SYNJ2: variants seen among roughly 807,000 people sequenced by gnomAD.
The protein encoded by SYNJ2 is polyphosphatidylinositol phosphatase SYNJ2.
Under a neutral mutation model 141.3 loss-of-function variants are expected in SYNJ2, and 116 were observed. The ratio of observed to expected loss-of-function variants is 0.82; its 90% CI spans 0.71 to 0.96. The LOEUF is 0.96. Ranked by LOEUF, SYNJ2 falls within the 40% of genes least tolerant of loss-of-function variation. The pLI is 0.00. For missense variants in SYNJ2, 1,873 were observed against 1,934.8 expected, an observed-to-expected ratio of 0.97 and a Z score of 0.60; for synonymous variants, 745 against 777.7, an observed-to-expected ratio of 0.96 and a Z score of 0.70.
At chr6:157,987,936 G>A (rs768894522) in intron 1 of SYNJ2, among the ~76,000 whole-genome samples, 56 of 152,246 alleles carry the variant, frequency 3.7e-4, no homozygotes, top group Non-Finnish European at 7.2e-4. Flanking sequence ...AGAACAGGGA[G>A]CGCTCTGCTG....
intron 26 of SYNJ2, chr6:158,094,092 AG>A (rs913882140): frequency 2.9e-6 from 2 of 688,592 alleles, no homozygotes; most frequent in Non-Finnish European, 5.3e-6. Flanking sequence ...AGAGAGTGTG[AG>A]GGGGGCTTCG....
intron 21 of SYNJ2, 66 bp downstream of exon 21, chr6:158,083,663 A>G (rs1001418359): frequency 3.1e-6 from 5 of 1,593,986 alleles, no homozygotes; most frequent in Non-Finnish European, 4.3e-6. Flanking sequence ...GCTTTTAAGG[A>G]CACCTTCTAA....
chr6:158,004,785 C>A (rs989531901), intron 1 of SYNJ2, among the ~76,000 whole-genome samples: 1 of 152,178 alleles, frequency 6.6e-6, no homozygotes, highest in Admixed American at 6.5e-5. Context: ...CACGAGACTG[C>A]GTCCCTCACT....
In SYNJ2 at chr6:158,096,976, A is replaced by G. The variant is rs1032815846; in HGVS notation, c.*612A>G. ...GTGCGTTAACCTTGATGATGCGTGA[A>G]TCCCGAGGGAGCCGGTGGCATACAC... On this transcript the variant is annotated 3_prime_UTR_variant, in exon 27 of 27. Transcript: ENST00000355585. 1 of 152,778 alleles carries G rather than the reference A, an allele frequency of 6.5e-6. No individual in the cohort carries two copies. Among genetic ancestry groups the G allele is most frequent in the Non-Finnish European group, 1.5e-5 (1 of 68,158 alleles). 9.5% of individuals were successfully genotyped at this position (152,778 alleles called of 1,614,324 possible).
chr6:158,076,506 T>G, intron 16 of SYNJ2, 120 bp from the exon 17 acceptor site: 1 of 1,152,530 alleles, frequency 8.7e-7, no homozygotes. Context: ...GATTTTCAAA[T>G]GTAATGGAGC....
At chr6:157,997,415 G>T (rs995012378) in intron 1 of SYNJ2, among the ~76,000 whole-genome samples, 1 of 152,138 alleles carries the variant, frequency 6.6e-6, no homozygotes, top group African/African-American at 2.4e-5. Context: ...GCAGACGCAC[G>T]CAGAGGGGAG....
At chr6:158,074,923 C>CTTTTTTTTTTTTTTTTTTTTTTTTTTT (rs66487650) in intron 16 of SYNJ2, among the ~76,000 whole-genome samples, 185 bp downstream of exon 16, 1 of 144,270 alleles carries the variant, frequency 6.9e-6, no homozygotes. Context: ...ACTTCCTGTC[C>CTTTTTTTTTTTTTTTTTTTTTTTTTTT]TTTTTTTTTT....
Position 158,081,198 on chromosome 6 carries a change from G to C in SYNJ2, c.2657G>C (p.Gly886Ala). 1 of 1,614,112 alleles carries C rather than the reference G, an allele frequency of 6.2e-7. No individual in the cohort carries two copies. Among genetic ancestry groups the C allele is most frequent in the Non-Finnish European group, 8.5e-7 (1 of 1,180,010 alleles). ...TTCCAGGAAGTGTCCTCCTTCCAGGGCCCCCTGGATGCCACTGTTGTAGTA... is the reference window on the plus strand; with the variant it reads ...TTCCAGGAAGTGTCCTCCTTCCAGGCCCCCCTGGATGCCACTGTTGTAGTA... ...RVFQEVSSFQ[G>A]PLDATVVVNL... is the part of the protein sequence containing the mutation. The change falls in exon 19 of 27, where the codon GGC (glycine) becomes GCC (alanine). Residue 886 changes from glycine to alanine, a missense_variant. By Grantham distance (60) the Gly-to-Ala change is moderately conservative. Coordinates refer to ENST00000355585, the MANE Select transcript of SYNJ2 (RefSeq NM_003898.4).
At chr6:158,092,778 G>GA in intron 25 of SYNJ2, 148 bp from the exon 26 acceptor site, 2 of 771,364 alleles carry the variant, frequency 2.6e-6, no homozygotes, top group Non-Finnish European at 3.9e-6. Flanking sequence ...AAAGAAAAAA[G>GA]AAAAAAAGCT....
At chr6:158,000,253 G>A (rs1201857284) in intron 1 of SYNJ2, among the ~76,000 whole-genome samples, 2 of 152,108 alleles carry the variant, frequency 1.3e-5, no homozygotes, top group African/African-American at 2.4e-5. Context: ...CCTAGAGACA[G>A]ACAGGGCCTC....
chr6:157,990,507 G>A (rs1405510873), intron 1 of SYNJ2, among the ~76,000 whole-genome samples: 2 of 152,178 alleles, frequency 1.3e-5, no homozygotes, highest in Non-Finnish European at 2.9e-5. Context: ...GAAGTAGGAT[G>A]TGGTCTCCCT....
Position 158,029,364 on chromosome 6 carries a change from C to T in SYNJ2, c.485+338C>T, listed in dbSNP as rs568740404. The T allele has an allele frequency of 3.5e-4, 50 of 141,550 alleles. 1 individual carries two copies. The highest frequency in any genetic ancestry group is 5.7e-4 in the Non-Finnish European group (41 of 71,444). The allele number at this position is 141,550 out of a possible 1,614,324, so 8.8% of individuals were successfully genotyped here. On this transcript the variant is annotated intron_variant, in intron 3 of 26. Coordinates refer to ENST00000355585, the MANE Select transcript of SYNJ2 (RefSeq NM_003898.4). ...AGGAGTTTGAGACAAGCCTGGCCAA[C>T]ATGGTGAAAGCCCATCTCTACTAAA...
At chr6:158,088,005 ATTT>A (rs1783175882) in intron 23 of SYNJ2, among the ~76,000 whole-genome samples, 1 of 83,406 alleles carries the variant, frequency 1.2e-5, no homozygotes, top group East Asian at 2.9e-4. Context: ...CTGCAAGTAT[ATTT>A]TAACAGTTTA....
chr6:158,021,208 C>T (rs531948325), intron 2 of SYNJ2, among the ~76,000 whole-genome samples: 4 of 152,194 alleles, frequency 2.6e-5, no homozygotes, highest in Non-Finnish European at 5.9e-5. Context: ...ATTGTGTCTC[C>T]TGGAGTTGTG....
At chr6:157,993,385 A>AT (rs951246436) in intron 1 of SYNJ2, among the ~76,000 whole-genome samples, 80 of 152,084 alleles carry the variant, frequency 5.3e-4, no homozygotes, top group African/African-American at 1.8e-3. Flanking sequence ...GGATTATTAG[A>AT]TTTTTTTCCT....
intron 6 of SYNJ2, 86 bp downstream of exon 6, chr6:158,055,114 G>C (rs894113335): frequency 7.1e-7 from 1 of 1,401,778 alleles, no homozygotes; most frequent in African/African-American, 1.4e-5. Flanking sequence ...AGGGTGCGAC[G>C]GGAAAGGGAG....
At chr6:158,074,499 C>T in intron 15 of SYNJ2, 81 bp from the exon 16 acceptor site, 1 of 1,448,506 alleles carries the variant, frequency 6.9e-7, no homozygotes, top group Non-Finnish European at 9.4e-7. Flanking sequence ...CTCCTGCTTG[C>T]CCCAGTGAGC....
At chr6:158,033,315 C>A in intron 3 of SYNJ2, 140 bp from the exon 4 acceptor site, 1 of 820,398 alleles carries the variant, frequency 1.2e-6, no homozygotes. Context: ...AGTGCAGAGT[C>A]CACTGGGGAG....
intron 4 of SYNJ2, among the ~76,000 whole-genome samples, chr6:158,041,073 G>A (rs1433964330): frequency 6.6e-6 from 1 of 152,166 alleles, no homozygotes; most frequent in African/African-American, 2.4e-5. Context: ...CTGGGACTAT[G>A]CCCCCCTCAT....
Sources: allele counts gnomAD v4.1 joint callset (sites outside exome capture counted in the v4.1 genomes callset), GRCh38; gene constraint gnomAD v4.1.1; transcripts MANE v1.5; gene names NCBI Gene and HGNC (gene_info 2026-07-23, HGNC 2026-07-21).